Variants in AMZ2 observed in about 807,000 individuals in gnomAD.
The protein encoded by AMZ2 is archaemetzincin-2.
In AMZ2, 26 loss-of-function variants were observed where a neutral mutation model predicts 36.7. The ratio of observed to expected loss-of-function variants is 0.71; its 90% CI spans 0.52 to 0.98. The LOEUF (loss-of-function observed/expected upper bound fraction) is 0.98, where lower values mean the gene tolerates loss of function less well. AMZ2 is among the 50% of genes least tolerant of loss of function. The pLI is 0.00. For missense variants in AMZ2, 394 were observed against 430.5 expected (o/e 0.92, Z 0.75); for synonymous variants, 144 against 149.1 (o/e 0.97, Z 0.25).
chr17:68,253,663 G>GTGA (rs1249301961), intron 4 of AMZ2, among the ~76,000 whole-genome samples: 1 of 152,128 alleles, frequency 6.6e-6, no homozygotes, highest in Non-Finnish European at 1.5e-5. Context: ...TCAGTGCTGC[G>GTGA]TGAGGGAAGG....
intron 6 of AMZ2, among the ~76,000 whole-genome samples, 170 bp from the exon 7 acceptor site, chr17:68,256,644 A>G (rs1326020007): frequency 6.6e-6 from 1 of 152,198 alleles, no homozygotes; most frequent in Non-Finnish European, 1.5e-5. Flanking sequence ...GGTACGTGCC[A>G]TTTCACTCAG....
intron 1 of AMZ2, among the ~76,000 whole-genome samples, chr17:68,209,632 A>ATGTATATATATTT: frequency 2.6e-4 from 24 of 90,682 alleles, no homozygotes; most frequent in East Asian, 2.1e-3. Context: ...ATATATATAT[A>ATGTATATATATTT]TTTTTTTTTT....
Position 68,250,890 on chromosome 17 carries a change from T to C in AMZ2, c.380T>C (p.Leu127Pro). ...AYFYGLRVKL[L>P]EPVPVSVTRC... ...TTCTATGGCTTGAGAGTAAAACTCC[T>C]AGAACCAGTTCCTGTTTCTGTAACA... is the stretch of plus-strand genomic sequence containing the variant. The change falls in exon 3 of 7, where the codon CTA (leucine) becomes CCA (proline). Residue 127 changes from leucine (L) to proline (P), a missense_variant. Transcript: ENST00000359904. 1 of 1,610,910 alleles carries C rather than the reference T, an allele frequency of 6.2e-7. No homozygotes were observed. Among genetic ancestry groups the C allele is most frequent in the Non-Finnish European group, 8.5e-7 (1 of 1,179,280 alleles).
At chr17:68,247,392 G>A (rs1295574718), upstream of AMZ2, 1 of 147,426 alleles carries the variant, frequency 6.8e-6, no homozygotes, top group Non-Finnish European at 1.5e-5. Flanking sequence ...GCGAGGCCCA[G>A]AGAGACCGAA....
Position 68,251,082 on chromosome 17 carries a change from C to T in AMZ2, c.490C>T (p.Pro164Ser). The change falls in exon 4 of 7, where the codon CCT becomes TCT. Residue 164 changes from proline (P) to serine (S), a missense_variant. Transcript: ENST00000359904. ...DILKFLKKKK[P>S]EDAFCVVGIT... Reference sequence around the variant, plus strand: ...CCTGAAGTTCTTGAAAAAGAAGAAACCTGAAGATGCCTTCTGTGTTGTGGG... The same window carrying T: ...CCTGAAGTTCTTGAAAAAGAAGAAATCTGAAGATGCCTTCTGTGTTGTGGG... 1.2e-6 allele frequency: 2 copies of T among 1,611,066 alleles called. No individual in the cohort carries two copies. Among genetic ancestry groups the T allele is most frequent in the Non-Finnish European group, 1.7e-6 (2 of 1,179,308 alleles).
chr17:68,232,697 G>A (rs2073694027), intron 1 of AMZ2, among the ~76,000 whole-genome samples: 1 of 152,052 alleles, frequency 6.6e-6, no homozygotes, highest in East Asian at 1.9e-4. Context: ...ACAAAAATCA[G>A]CTGGGTGTGG....
rs782397512 is a variant in AMZ2 at position 68,255,886 on chromosome 17, G to C, written c.927+10G>C. 6.2e-7 allele frequency: 1 copy of C among 1,613,620 alleles called. No individual in the cohort carries two copies. Among genetic ancestry groups the C allele is most frequent in the Admixed American group, 1.7e-5 (1 of 59,990 alleles). Reference sequence around the variant, plus strand: ...TGTAGAAAGATACAAAGTAAGTTGGGGGGTGGACAGTCTAAAGAGGGGGAA... The same window carrying C: ...TGTAGAAAGATACAAAGTAAGTTGGCGGGTGGACAGTCTAAAGAGGGGGAA... On this transcript the variant is annotated intron_variant, in intron 6 of 6. Transcript: ENST00000359904.
intron 1 of AMZ2, among the ~76,000 whole-genome samples, chr17:68,231,974 A>AT (rs138020477): frequency 0.06 from 9,113 of 152,080 alleles, 485 homozygotes; most frequent in Admixed American, 0.13. Flanking sequence ...AGAATCCTGT[A>AT]TTTTTTTGGC....
chr17:68,248,113 C>T lies in AMZ2; in HGVS notation c.-593C>T, dbSNP rs2074136152. On this transcript the variant is annotated 5_prime_UTR_variant, in exon 1 of 7. It introduces an in-frame stop codon into an upstream open reading frame of the 5' UTR. Transcript: ENST00000359904. ...TGGGTGGTATCGAGGCCTGTCGGGT[C>T]AGGGCGGTTCGCGGGTGCTGTCAGA... 3 of 986,334 alleles carry T rather than the reference C, an allele frequency of 3.0e-6. No homozygotes were observed. The highest frequency in any genetic ancestry group is 2.4e-6 in the Non-Finnish European group (2 of 830,568). 61.1% of individuals were successfully genotyped at this position (986,334 alleles called of 1,614,324 possible). A position where few individuals can be genotyped will look rare whatever the true frequency, so the allele number is the denominator to read the frequency against.
intron 1 of AMZ2, among the ~76,000 whole-genome samples, chr17:68,209,195 TA>T: frequency 7.6e-6 from 1 of 131,912 alleles, no homozygotes; most frequent in Non-Finnish European, 1.6e-5. Flanking sequence ...TTAATTTTAG[TA>T]CTTTTTTTTT....
chr17:68,214,733 AT>A (rs1222066072), intron 1 of AMZ2, among the ~76,000 whole-genome samples: 8 of 149,240 alleles, frequency 5.4e-5, no homozygotes, highest in African/African-American at 7.4e-5. Context: ...TACTTTCAGA[AT>A]TTTTTTTTTA....
chr17:68,209,632 ATTTT>A (rs1224207690), intron 1 of AMZ2, among the ~76,000 whole-genome samples: 2 of 90,700 alleles, frequency 2.2e-5, no homozygotes, highest in Non-Finnish European at 4.0e-5. Flanking sequence ...ATATATATAT[ATTTT>A]TTTTTTTTTT....
At chr17:68,252,868 C>G (rs1599427604) in intron 4 of AMZ2, among the ~76,000 whole-genome samples, 2 of 152,154 alleles carry the variant, frequency 1.3e-5, no homozygotes, top group African/African-American at 4.8e-5. Context: ...CTAGATATTG[C>G]TAGCTAACTT....
intron 4 of AMZ2, 26 bp downstream of exon 4, chr17:68,251,204 A>T (rs1555739698): frequency 1.3e-6 from 2 of 1,595,434 alleles, no homozygotes; most frequent in South Asian, 2.3e-5. Flanking sequence ...CATTGTTGTT[A>T]GAAGCTTCTT....
chr17:68,236,547 T>G (rs1335550289), intron 1 of AMZ2, among the ~76,000 whole-genome samples: 2 of 150,442 alleles, frequency 1.3e-5, no homozygotes, highest in Non-Finnish European at 3.0e-5. Flanking sequence ...TCTAACATTA[T>G]TAACATTTGG....
upstream of AMZ2, among the ~76,000 whole-genome samples, chr17:68,245,576 T>C (rs574510446): frequency 6.6e-6 from 1 of 152,266 alleles, no homozygotes; most frequent in East Asian, 1.9e-4. Flanking sequence ...AAATAAATAT[T>C]AGACCATGCA....
chr17:68,212,784 G>A (rs2073101076), intron 1 of AMZ2, among the ~76,000 whole-genome samples: 3 of 151,926 alleles, frequency 2.0e-5, no homozygotes, highest in Non-Finnish European at 4.4e-5. Context: ...TTGTCATGTT[G>A]CCTAAACTCC....
intron 1 of AMZ2, among the ~76,000 whole-genome samples, chr17:68,224,721 C>T (rs1465765140): frequency 6.6e-6 from 1 of 151,904 alleles, no homozygotes; most frequent in East Asian, 1.9e-4. Flanking sequence ...TTTAAATTTT[C>T]TTAGAGTTGG....
At position 68,250,594 on chromosome 17, in the gene AMZ2, C is replaced by T. The variant is rs73998055; in HGVS notation, c.283+124C>T. 4,367 of 1,340,424 alleles carry T rather than the reference C, an allele frequency of 3.3e-3. 111 individuals are homozygous for T. In the African/African-American group the frequency reaches 0.058, roughly 18 times the overall value. The allele number at this position is 1,340,424 out of a possible 1,614,324, so 83.0% of individuals were successfully genotyped here. On this transcript the variant is annotated intron_variant, in intron 2 of 6. Transcript: ENST00000359904. ...GGATCGTTTTTGATATTCATTGCGG[C>T]GGTACAAGTTTTGTAGCCAAACTGA...
Sources: allele counts gnomAD v4.1 joint callset (sites outside exome capture counted in the v4.1 genomes callset), GRCh38; gene constraint gnomAD v4.1.1; transcripts MANE v1.5; gene names NCBI Gene and HGNC (gene_info 2026-07-23, HGNC 2026-07-21).